The following RAD23B variants were observed in gnomAD, a reference collection of about 807,000 sequenced individuals.
The protein encoded by RAD23B is lysine-specific demethylase RAD23B.
A neutral mutation model predicts 49.1 loss-of-function variants in RAD23B; 5 were observed. The observed-to-expected ratio is 0.10, with a 90% CI of 0.05 to 0.21. The LOEUF (loss-of-function observed/expected upper bound fraction) is 0.21, where lower values mean the gene tolerates loss of function less well. RAD23B is among the 10% of genes least tolerant of loss of function. RAD23B has a pLI of 1.00. For missense variants in RAD23B, 356 were observed against 486.7 expected (o/e 0.73, Z 2.53); for synonymous variants, 184 against 165.4 (o/e 1.11, Z -0.86).
chr9:107,284,641 C>T (rs554133696), intron 1 of RAD23B: 2 of 882,080 alleles, frequency 2.3e-6, no homozygotes, highest in South Asian at 6.1e-5. Flanking sequence ...AATCTAAAAA[C>T]GCTGTGAGTG....
chr9:107,298,312 A>G (rs1826574984), intron 1 of RAD23B, among the ~76,000 whole-genome samples: 1 of 151,550 alleles, frequency 6.6e-6, no homozygotes. Flanking sequence ...CTTACGTTTT[A>G]TTTTATTTAT....
At chr9:107,296,852 A>G (rs2133070141) in intron 1 of RAD23B, among the ~76,000 whole-genome samples, 1 of 125,844 alleles carries the variant, frequency 7.9e-6, no homozygotes, top group South Asian at 2.6e-4. Context: ...CTCTTTTTTT[A>G]ATTGCTTTTT....
intron 9 of RAD23B, among the ~76,000 whole-genome samples, chr9:107,328,635 C>T (rs1046593537): frequency 2.6e-5 from 4 of 152,146 alleles, no homozygotes; most frequent in Non-Finnish European, 5.9e-5. Flanking sequence ...TGAAGCTTCA[C>T]TTGTTCGCCC....
At chr9:107,290,532 G>A (rs1441719287) in intron 1 of RAD23B, among the ~76,000 whole-genome samples, 2 of 151,966 alleles carry the variant, frequency 1.3e-5, no homozygotes, top group African/African-American at 4.8e-5. Flanking sequence ...TTCCTAAAAG[G>A]GAGTCCTCAC....
intron 3 of RAD23B, 51 bp from the exon 4 acceptor site, chr9:107,306,328 A>G (rs1826772330): frequency 1.3e-6 from 2 of 1,546,512 alleles, no homozygotes; most frequent in Non-Finnish European, 1.8e-6. Flanking sequence ...ATTAGAGATC[A>G]GGCAGTATGT....
In RAD23B at chr9:107,287,600, C is replaced by T. The variant is rs558331013; in HGVS notation, c.66+3905C>T. On this transcript the variant is annotated intron_variant, in intron 1 of 9. Transcript: ENST00000358015. ...TGCTTTACCCAGCACCTTGGGAAGC[C>T]GAGGCGGGTGGATCACCTGAGGTCA... 2.5e-4 allele frequency among the ~76,000 whole-genome samples: 38 copies of T among 152,074 alleles called. No individual in the cohort carries two copies. In the South Asian group the frequency reaches 4.6e-3, roughly 18 times the overall value.
At chr9:107,285,364 T>G (rs1039672193) in intron 1 of RAD23B, among the ~76,000 whole-genome samples, 15 of 152,228 alleles carry the variant, frequency 9.9e-5, no homozygotes, top group East Asian at 3.8e-4. Context: ...GTAACAAATG[T>G]TGGTGCCCCA....
Position 107,321,996 on chromosome 9 carries a change from A to T in RAD23B, c.695A>T (p.Asp232Val). 1 of 1,610,372 alleles carries T rather than the reference A, an allele frequency of 6.2e-7. No individual in the cohort carries two copies. Among genetic ancestry groups the T allele is most frequent in the Non-Finnish European group, 8.5e-7 (1 of 1,178,636 alleles). The part of the protein sequence containing the change: ...VEYLLMGIPG[D>V]RESQAVVDPP... ...ATTCTATTACAGGGAATCCCTGGAG[A>T]TAGAGAAAGTCAGGCTGTGGTTGAC... Residue 232 changes from aspartate (D) to valine (V), a missense_variant, in exon 7 of 10, where the codon GAT becomes GTT. Asp to Val is a radical substitution (Grantham distance 152). This residue lies in a region of RAD23B where 148 missense variants were observed against 231.7 expected (regional missense o/e 0.64). Coordinates refer to ENST00000358015, the MANE Select transcript of RAD23B (RefSeq NM_002874.5).
intron 5 of RAD23B, 150 bp downstream of exon 5, chr9:107,311,887 G>A: frequency 1.6e-6 from 1 of 635,584 alleles, no homozygotes; most frequent in Admixed American, 3.6e-5. Context: ...TCAATTAATA[G>A]TGTTACTAAA....
rs1441765451 is a variant in RAD23B at position 107,290,399 on chromosome 9, C to T, written c.66+6704C>T. Among the ~76,000 whole-genome samples, 4 of 152,166 alleles carry T rather than the reference C, an allele frequency of 2.6e-5. No homozygotes were observed. In the East Asian group the frequency reaches 7.7e-4, roughly 29 times the overall value. On this transcript the variant is annotated intron_variant, in intron 1 of 9. Coordinates refer to ENST00000358015, the MANE Select transcript of RAD23B (RefSeq NM_002874.5). The stretch of plus-strand genomic sequence containing the variant: ...TTTTCCCCATCTTAATGATACACTC[C>T]CTTGTGTCCACATCCCTCTTTAGCT...
Position 107,329,830 on chromosome 9 carries a change from C to CCTG in RAD23B, c.*174_*175insCTG. The CCTG allele has an allele frequency of 2.4e-6, 1 of 413,808 alleles. No individual in the cohort carries two copies. The highest frequency in any genetic ancestry group is 3.4e-5 in the East Asian group (1 of 28,986). 25.6% of individuals were successfully genotyped at this position (413,808 alleles called of 1,614,324 possible). ...GGGCAGGGATAAATACAGTGCATGT[C>CCTG]TGCTTCAATTAGCAGATGCCGCAAC... On this transcript the variant is annotated 3_prime_UTR_variant, in exon 10 of 10. Transcript: ENST00000358015.
chr9:107,324,282 T>G lies in RAD23B; in HGVS notation c.945+265T>G, dbSNP rs78442194. Among the ~76,000 whole-genome samples, 415 of 152,324 alleles carry G rather than the reference T, an allele frequency of 2.7e-3. 3 individuals carry two copies. The highest frequency in any genetic ancestry group is 0.014 in the East Asian group (73 of 5,188). ...CCTTTTTGGAGATTCCCACTACACA[T>G]TAATATGTTAAAGAATTTGGGAAGC... On this transcript the variant is annotated intron_variant, in intron 8 of 9. Coordinates refer to ENST00000358015, the MANE Select transcript of RAD23B (RefSeq NM_002874.5).
chr9:107,301,844 T>TA (rs1826660969), intron 2 of RAD23B, among the ~76,000 whole-genome samples, 191 bp from the exon 3 acceptor site: 1 of 152,144 alleles, frequency 6.6e-6, no homozygotes, highest in Non-Finnish European at 1.5e-5. Context: ...CCCTGCCACT[T>TA]AGGAGTTGTT....
chr9:107,301,890 A>G, intron 2 of RAD23B, 145 bp from the exon 3 acceptor site: 1 of 1,196,416 alleles, frequency 8.4e-7, no homozygotes, highest in Non-Finnish European at 1.1e-6. Flanking sequence ...TTTCTTTGGG[A>G]AAAGTATTAA....
intron 7 of RAD23B, among the ~76,000 whole-genome samples, chr9:107,322,974 G>A (rs11573709): frequency 0.25 from 38,583 of 151,986 alleles, 5,595 homozygotes; most frequent in African/African-American, 0.39. Flanking sequence ...CTGTAAAGCT[G>A]GTATTATATA....
chr9:107,315,544 C>T (rs1035260824), intron 5 of RAD23B, among the ~76,000 whole-genome samples: 1 of 152,052 alleles, frequency 6.6e-6, no homozygotes, highest in Non-Finnish European at 1.5e-5. Context: ...GAGACTCTCT[C>T]TCTTTGTCAC....
At position 107,325,024 on chromosome 9, in the gene RAD23B, TA is replaced by T. The variant is rs769342063; in HGVS notation, c.1116+27del. On this transcript the variant is annotated intron_variant, in intron 9 of 9. Coordinates refer to ENST00000358015, the MANE Select transcript of RAD23B (RefSeq NM_002874.5). ...GAAAGGGTGAGTTTAAGTAAAACTT[TA>T]AAAAAATTAGTTCTTGGCTGGGCTC... The T allele has an allele frequency of 1.2e-6, 2 of 1,604,994 alleles. No homozygotes were observed. Among genetic ancestry groups the T allele is most frequent in the East Asian group, 4.5e-5 (2 of 44,616 alleles).
Position 107,306,512 on chromosome 9 carries a change from C to G in RAD23B, c.362C>G (p.Ser121Cys). Residue 121 changes from serine to cysteine, a missense_variant, in exon 4 of 10, where the codon TCC becomes TGC. Ser to Cys is a moderately radical substitution (Grantham distance 112). Coordinates refer to ENST00000358015, the MANE Select transcript of RAD23B (RefSeq NM_002874.5). ...CCTGTCCCTGCCTTGGCCCCCACTTCCACACCTGCATCCATCACTCCAGCA... is the reference window on the plus strand; with the variant it reads ...CCTGTCCCTGCCTTGGCCCCCACTTGCACACCTGCATCCATCACTCCAGCA... The part of the protein sequence containing the change: ...PTPVPALAPT[S>C]TPASITPASA... 6.2e-7 allele frequency: 1 copy of G among 1,614,178 alleles called. No individual in the cohort carries two copies. The highest frequency in any genetic ancestry group is 8.5e-7 in the Non-Finnish European group (1 of 1,180,030).
chr9:107,321,943 G>T, intron 6 of RAD23B, 40 bp from the exon 7 acceptor site: 1 of 1,547,284 alleles, frequency 6.5e-7, no homozygotes, highest in Non-Finnish European at 8.7e-7. Flanking sequence ...ATTTAATTTT[G>T]CATGATGGGA....
Sources: allele counts gnomAD v4.1 joint callset (sites outside exome capture counted in the v4.1 genomes callset), GRCh38; gene constraint gnomAD v4.1.1; regional missense constraint gnomAD v4.1.1; transcripts MANE v1.5; gene names NCBI Gene and HGNC (gene_info 2026-07-23, HGNC 2026-07-21).